The following SLC25A48 variants were observed in gnomAD, a reference collection of about 807,000 sequenced individuals.
SLC25A48 encodes CTC-321K16.1.
A neutral mutation model predicts 32.2 loss-of-function variants in SLC25A48; 29 were observed. The ratio of observed to expected loss-of-function variants is 0.90; its 90% CI spans 0.67 to 1.23. The LOEUF (loss-of-function observed/expected upper bound fraction) is 1.23. Ranked by LOEUF, SLC25A48 falls within the 50% of genes most tolerant of loss-of-function variation. The pLI is 0.00. For synonymous variants in SLC25A48, 164 were observed against 172.3 expected (o/e 0.95, Z 0.38); for missense variants, 399 against 422.7 (o/e 0.94, Z 0.49).
intron 3 of SLC25A48, among the ~76,000 whole-genome samples, chr5:135,765,039 C>A (rs1417507980): frequency 6.6e-6 from 1 of 150,440 alleles, no homozygotes; most frequent in African/African-American, 2.5e-5. Flanking sequence ...TAGTGTACAC[C>A]CACCCATGAT....
chr5:135,819,103 A>G (rs1011807293), intron 4 of SLC25A48, among the ~76,000 whole-genome samples: 1 of 152,110 alleles, frequency 6.6e-6, no homozygotes, highest in African/African-American at 2.4e-5. Flanking sequence ...TTAAAAAAAA[A>G]AATCTAACAT....
intron 3 of SLC25A48, among the ~76,000 whole-genome samples, chr5:135,809,851 C>T (rs1757554236): frequency 1.3e-5 from 2 of 152,216 alleles, no homozygotes; most frequent in Non-Finnish European, 1.5e-5. Flanking sequence ...CTTCTTTTTT[C>T]TTGGAGAAAG....
At position 135,834,894 on chromosome 5, in the gene SLC25A48, G is replaced by A. The variant is rs201531676; in HGVS notation, c.46+1G>A. On this transcript the variant is annotated splice_donor_variant, in intron 1 of 7. Transcript: ENST00000681962. LOFTEE classifies it high-confidence loss of function. ...GACTTTGCGGCGGGCTGGATCGGAG[G>A]TGAGTGTGCTTACCGGGGACCCCCG... The A allele has an allele frequency of 4.4e-6, 7 of 1,602,726 alleles. No individual in the cohort carries two copies. The highest frequency in any genetic ancestry group is 2.7e-5 in the African/African-American group (2 of 74,870).
chr5:135,763,465 C>T (rs1478479022), intron 3 of SLC25A48, among the ~76,000 whole-genome samples: 1 of 152,132 alleles, frequency 6.6e-6, no homozygotes, highest in East Asian at 1.9e-4. Flanking sequence ...GGAGCAGCTA[C>T]ACAGCCTCAC....
At chr5:135,733,808 A>G (rs1201553770) in intron 3 of SLC25A48, among the ~76,000 whole-genome samples, 1 of 151,994 alleles carries the variant, frequency 6.6e-6, no homozygotes, top group Non-Finnish European at 1.5e-5. Context: ...TAAGGAATGG[A>G]AAGGGGAGTG....
intron 3 of SLC25A48, among the ~76,000 whole-genome samples, chr5:135,775,769 A>T (rs1325469208): frequency 6.6e-6 from 1 of 150,882 alleles, no homozygotes; most frequent in Non-Finnish European, 1.5e-5. Flanking sequence ...GGGCATGTAC[A>T]CCCCTCCTGC....
At chr5:135,775,350 C>A (rs1756524648) in intron 3 of SLC25A48, among the ~76,000 whole-genome samples, 1 of 151,450 alleles carries the variant, frequency 6.6e-6, no homozygotes, top group Non-Finnish European at 1.5e-5. Flanking sequence ...ATAGGTACAC[C>A]CCTTCTGTGA....
At chr5:135,662,646 C>T (rs1164348322) in intron 3 of SLC25A48, among the ~76,000 whole-genome samples, 3 of 152,022 alleles carry the variant, frequency 2.0e-5, no homozygotes, top group African/African-American at 7.3e-5. Flanking sequence ...GAGCTTCCCC[C>T]AGCTTACCTC....
At chr5:135,659,475 G>A (rs140787551) in intron 3 of SLC25A48, among the ~76,000 whole-genome samples, 281 of 152,292 alleles carry the variant, frequency 1.8e-3, no homozygotes, top group African/African-American at 6.5e-3. Context: ...AGGAAATTCC[G>A]AACCTTTCCT....
chr5:135,594,599 TGGG>T (rs35610214), intron 1 of SLC25A48, among the ~76,000 whole-genome samples: 5 of 152,116 alleles, frequency 3.3e-5, no homozygotes, highest in South Asian at 2.1e-4. Flanking sequence ...TGGACAGTGT[TGGG>T]GGGTCATGGT....
At chr5:135,665,480 C>G (rs1753500317) in intron 3 of SLC25A48, among the ~76,000 whole-genome samples, 1 of 151,636 alleles carries the variant, frequency 6.6e-6, no homozygotes, top group Admixed American at 6.6e-5. Context: ...TTTGCATTTG[C>G]TTTGGGGTCT....
intron 2 of SLC25A48, among the ~76,000 whole-genome samples, chr5:135,844,799 T>C (rs1364155319): frequency 1.3e-5 from 2 of 152,188 alleles, no homozygotes; most frequent in Non-Finnish European, 2.9e-5. Flanking sequence ...AATTTCTCTT[T>C]GGGGGTCAGT....
At chr5:135,743,074 AT>A (rs1283331243) in intron 3 of SLC25A48, among the ~76,000 whole-genome samples, 2,351 of 10,930 alleles carry the variant, frequency 0.22, 289 homozygotes, top group Non-Finnish European at 0.36. Flanking sequence ...CCTTCCCTTC[AT>A]TTTTTTTTTT....
In SLC25A48 at chr5:135,852,743, G is replaced by T. The variant is rs752426397; in HGVS notation, c.343G>T (p.Val115Leu). The T allele has an allele frequency of 3.7e-5, 60 of 1,613,970 alleles. No homozygotes were observed. Among genetic ancestry groups the T allele is most frequent in the Non-Finnish European group, 4.7e-5 (55 of 1,179,998 alleles). Residue 115 changes from valine (V) to leucine (L), a missense_variant, in exon 4 of 8, where the codon GTG becomes TTG. Physicochemically the swap from Val to Leu is conservative, Grantham distance 32 (BLOSUM62 1). Transcript: ENST00000681962. The stretch of plus-strand genomic sequence containing the variant: ...GCTCCTGGCCAGCATGGTGGCCGGC[G>T]TGGTCTCTGTCGGGCTGGGAGGGCC... ...DLLLASMVAG[V>L]VSVGLGGPVD...
At chr5:135,881,939 T>G (rs1171019236) in intron 7 of SLC25A48, among the ~76,000 whole-genome samples, 1 of 152,212 alleles carries the variant, frequency 6.6e-6, no homozygotes, top group African/African-American at 2.4e-5. Flanking sequence ...TGCCAAGACC[T>G]CCCAGATCCC....
intron 3 of SLC25A48, among the ~76,000 whole-genome samples, chr5:135,655,708 A>G (rs1321283598): frequency 1.3e-5 from 2 of 152,190 alleles, no homozygotes; most frequent in African/African-American, 4.8e-5. Flanking sequence ...TTTCCACAGG[A>G]CTTGGTTTCC....
intron 3 of SLC25A48, among the ~76,000 whole-genome samples, chr5:135,700,545 G>A (rs535994131): frequency 8.4e-4 from 128 of 152,326 alleles, no homozygotes; most frequent in Non-Finnish European, 1.2e-3. Context: ...ATCTCTGGGA[G>A]AGGCCCCCAC....
intron 1 of SLC25A48, among the ~76,000 whole-genome samples, chr5:135,598,837 T>G (rs1226922177): frequency 6.6e-6 from 1 of 152,180 alleles, no homozygotes; most frequent in Non-Finnish European, 1.5e-5. Flanking sequence ...AGGCATCCTG[T>G]GCGCAGCGTC....
chr5:135,761,463 A>ATG (rs1200079285), intron 3 of SLC25A48, among the ~76,000 whole-genome samples: 1 of 152,100 alleles, frequency 6.6e-6, no homozygotes, highest in Non-Finnish European at 1.5e-5. Context: ...AAATATATAT[A>ATG]TAAAAAAAGA....
Sources: allele counts gnomAD v4.1 joint callset (sites outside exome capture counted in the v4.1 genomes callset), GRCh38; gene constraint gnomAD v4.1.1; transcripts MANE v1.5; gene names NCBI Gene and HGNC (gene_info 2026-07-23, HGNC 2026-07-21).